LRP1B: variants seen among roughly 807,000 people sequenced by gnomAD.
LRP1B encodes LDL receptor related protein 1B.
Under a neutral mutation model 556.6 loss-of-function variants are expected in LRP1B, and 217 were observed. The ratio of observed to expected loss-of-function variants is 0.39; its 90% CI spans 0.35 to 0.44. The LOEUF (loss-of-function observed/expected upper bound fraction) is 0.44. LRP1B is among the 20% of genes least tolerant of loss of function. The probability of loss-of-function intolerance (pLI) is 1.00; values close to 1 mark genes in which losing one functional copy is unlikely to be tolerated. For synonymous variants in LRP1B, 2,047 were observed against 1,865.8 expected (o/e 1.10, Z -2.50); for missense variants, 5,053 against 5,620.8 (o/e 0.90, Z 3.23).
Position 141,249,736 on chromosome 2 carries a change from G to T in LRP1B, c.464-2382C>A, listed in dbSNP as rs1209431308. Among the ~76,000 whole-genome samples the T allele has an allele frequency of 6.6e-5, 10 of 152,194 alleles. No homozygotes were observed. In the East Asian group the frequency reaches 1.4e-3, roughly 21 times the overall value. On this transcript the variant is annotated intron_variant, in intron 4 of 90. Coordinates refer to ENST00000389484, the MANE Select transcript of LRP1B (RefSeq NM_018557.3). The stretch of plus-strand genomic sequence containing the variant: ...CTGGGATATCAGAATGTTCAAAAGG[G>T]TTATATGCAATGCATGAATCCAATA...
At chr2:140,321,851 A>G (rs1680151463) in intron 82 of LRP1B, 112 bp downstream of exon 82, 2 of 1,041,592 alleles carry the variant, frequency 1.9e-6, no homozygotes, top group Admixed American at 2.3e-5. Context: ...AACCACTGCT[A>G]TCAAGGTAGC....
chr2:140,774,293 T>C lies in LRP1B; in HGVS notation c.5500+1805A>G, dbSNP rs1689416883. On this transcript the variant is annotated intron_variant, in intron 33 of 90. Coordinates refer to ENST00000389484, the MANE Select transcript of LRP1B (RefSeq NM_018557.3). ...TTGATTTCTAAGTGCTAGAGGTCCT[T>C]GTTCATTTGGCAATACTTTCACAGA... 2.0e-5 allele frequency among the ~76,000 whole-genome samples: 3 copies of C among 152,138 alleles called. No homozygotes were observed. In the South Asian group the frequency reaches 6.2e-4, roughly 31 times the overall value.
At chr2:141,802,975 G>T (rs1696056436) in intron 2 of LRP1B, among the ~76,000 whole-genome samples, 1 of 152,046 alleles carries the variant, frequency 6.6e-6, no homozygotes, top group African/African-American at 2.4e-5. Flanking sequence ...TTCACCAGTT[G>T]TTTCCAGAAT....
chr2:142,093,260 T>C (rs183355964), intron 1 of LRP1B, among the ~76,000 whole-genome samples: 2 of 152,230 alleles, frequency 1.3e-5, no homozygotes, highest in East Asian at 3.9e-4. Context: ...GGCCAATTTT[T>C]CCTTCTCGCC....
At chr2:140,848,542 C>T (rs1692345113) in intron 29 of LRP1B, among the ~76,000 whole-genome samples, 1 of 152,156 alleles carries the variant, frequency 6.6e-6, no homozygotes, top group South Asian at 2.1e-4. Flanking sequence ...ATAAAATCTA[C>T]ACTTCCTATT....
At chr2:140,872,327 C>G (rs1573826519) in intron 25 of LRP1B, among the ~76,000 whole-genome samples, 1 of 120,322 alleles carries the variant, frequency 8.3e-6, no homozygotes, top group Non-Finnish European at 1.7e-5. Context: ...CATCTCAGCT[C>G]TTAAGCTGCT....
At chr2:140,404,400 C>T (rs1684644146) in intron 66 of LRP1B, among the ~76,000 whole-genome samples, 1 of 151,890 alleles carries the variant, frequency 6.6e-6, no homozygotes, top group African/African-American at 2.4e-5. Flanking sequence ...TCTCGATCTC[C>T]TGACCTCATG....
intron 2 of LRP1B, among the ~76,000 whole-genome samples, chr2:141,691,335 C>A (rs1022090240): frequency 6.6e-6 from 1 of 151,588 alleles, no homozygotes; most frequent in Admixed American, 6.6e-5. Flanking sequence ...TTCTAGTGTT[C>A]TTCTGATTTA....
At chr2:141,763,446 C>A (rs370632543) in intron 2 of LRP1B, among the ~76,000 whole-genome samples, 4 of 152,124 alleles carry the variant, frequency 2.6e-5, no homozygotes, top group East Asian at 3.9e-4. Context: ...AGGCTGAATG[C>A]TCCCCCGACA....
chr2:140,558,001 A>C (rs1051140259), intron 43 of LRP1B, among the ~76,000 whole-genome samples: 11 of 152,194 alleles, frequency 7.2e-5, no homozygotes, highest in Non-Finnish European at 1.0e-4. Context: ...GCGCTCAACA[A>C]ATACTTGTTG....
At chr2:140,365,515 T>C (rs76731226) in intron 71 of LRP1B, among the ~76,000 whole-genome samples, 4,279 of 151,804 alleles carry the variant, frequency 0.028, 75 homozygotes, top group African/African-American at 0.036. Context: ...TCTAGAGATG[T>C]AGCAATATAC....
intron 7 of LRP1B, among the ~76,000 whole-genome samples, chr2:141,169,848 G>T (rs954210439): frequency 6.9e-6 from 1 of 145,418 alleles, no homozygotes; most frequent in African/African-American, 2.6e-5. Flanking sequence ...TGCTACTTTT[G>T]CTCATGATGT....
intron 31 of LRP1B, among the ~76,000 whole-genome samples, chr2:140,833,270 A>T (rs1691779967): frequency 1.3e-5 from 2 of 152,212 alleles, no homozygotes; most frequent in African/African-American, 4.8e-5. Context: ...ACAATCAATG[A>T]TGTGGTATGA....
chr2:140,992,235 A>AG (rs1697114051), intron 16 of LRP1B, among the ~76,000 whole-genome samples: 1 of 152,180 alleles, frequency 6.6e-6, no homozygotes, highest in African/African-American at 2.4e-5. Flanking sequence ...AGAGTTCTCC[A>AG]GGGGAAAAAA....
chr2:140,803,290 T>TTTTTTTTTTTTTTTTTC lies in LRP1B; in HGVS notation c.5359+10366_5359+10367insGAAAAAAAAAAAAAAAA, dbSNP rs869303438. ...TTTTTTTTTTTTTTTTTTTTTTTTTTCCGAGATGGAGTCTCCCTCTGTCTC... is the reference window on the plus strand; with the variant it reads ...TTTTTTTTTTTTTTTTTTTTTTTTTTTTTTTTTTTTTTTTTTCCCGAGATGGAGTCTCCCTCTGTCTC... On this transcript the variant is annotated intron_variant, in intron 32 of 90. Coordinates refer to ENST00000389484, the MANE Select transcript of LRP1B (RefSeq NM_018557.3). Among the ~76,000 whole-genome samples the TTTTTTTTTTTTTTTTTC allele has an allele frequency of 8.7e-5, 10 of 115,262 alleles. 1 individual carries two copies. The highest frequency in any genetic ancestry group is 3.5e-4 in the African/African-American group (10 of 28,836). The allele number at this position is 115,262 out of a possible 152,430, so 75.6% of individuals were successfully genotyped here. A position where few individuals can be genotyped will look rare whatever the true frequency, so the allele number is the denominator to read the frequency against.
chr2:140,644,554 T>C (rs1684412456), intron 41 of LRP1B, among the ~76,000 whole-genome samples: 1 of 151,980 alleles, frequency 6.6e-6, no homozygotes, highest in South Asian at 2.1e-4. Context: ...CGTGTCACCA[T>C]GCCTGGCTAA....
At chr2:142,056,657 T>A (rs12618881) in intron 1 of LRP1B, among the ~76,000 whole-genome samples, 91,380 of 151,954 alleles carry the variant, frequency 0.6, 28,803 homozygotes, top group East Asian at 0.68. Flanking sequence ...ATCAGACAAC[T>A]CTGATAGAAT....
chr2:141,763,906 A>G (rs903213122), intron 2 of LRP1B, among the ~76,000 whole-genome samples: 1 of 152,210 alleles, frequency 6.6e-6, no homozygotes, highest in Non-Finnish European at 1.5e-5. Flanking sequence ...AGAGAATAAT[A>G]TATCAACAAT....
intron 3 of LRP1B, among the ~76,000 whole-genome samples, chr2:141,324,562 G>A (rs985564536): frequency 6.6e-6 from 1 of 152,060 alleles, no homozygotes; most frequent in Admixed American, 6.6e-5. Context: ...GATGGGAGAG[G>A]AAGATGGATT....
Sources: gnomAD v4.1 joint callset for allele counts (sites outside exome capture counted in the v4.1 genomes callset) on GRCh38, gnomAD v4.1.1 for gene constraint, MANE v1.5 for transcripts, NCBI Gene and HGNC (gene_info 2026-07-23, HGNC 2026-07-21) for gene names.